The following PDGFRA variants were observed in gnomAD, a reference collection of about 807,000 sequenced individuals.
PDGFRA encodes platelet-derived growth factor receptor alpha.
PDGFRA carries 25 observed loss-of-function variants against 121.5 expected under a neutral mutation model. The observed-to-expected ratio is 0.21, with a 90% CI of 0.15 to 0.29. The LOEUF is 0.29. Ranked by LOEUF, PDGFRA falls within the 10% of genes least tolerant of loss-of-function variation. PDGFRA has a pLI of 1.00. For synonymous variants in PDGFRA, 463 were observed against 494.8 expected (o/e 0.94, Z 0.85); for missense variants, 1,008 against 1,345.1 (o/e 0.75, Z 3.92).
At position 54,278,379 on chromosome 4, in the gene PDGFRA, A is replaced by G; in HGVS notation, c.2020A>G (p.Thr674Ala). The change falls in exon 15 of 23, where the codon ACA becomes GCA. Residue 674 changes from threonine to alanine, a missense_variant. By Grantham distance (58) the Thr-to-Ala change is moderately conservative (BLOSUM62 0). Coordinates refer to ENST00000257290, the MANE Select transcript of PDGFRA (RefSeq NM_006206.6). ...CTKSGPIYII[T>A]EYCFYGDLVN... ...CCCCATAGGCCCCATTTACATCATCACAGAGTATTGCTTCTATGGAGATTT... is the reference window on the plus strand; with the variant it reads ...CCCCATAGGCCCCATTTACATCATCGCAGAGTATTGCTTCTATGGAGATTT... 6.2e-7 allele frequency: 1 copy of G among 1,613,508 alleles called. No homozygotes were observed. The highest frequency in any genetic ancestry group is 8.5e-7 in the Non-Finnish European group (1 of 1,179,706).
intron 10 of PDGFRA, 73 bp from the exon 11 acceptor site, chr4:54,274,458 C>T (rs2110295460): frequency 9.3e-7 from 1 of 1,071,066 alleles, no homozygotes; most frequent in Non-Finnish European, 1.4e-6. Flanking sequence ...TCAGACACAG[C>T]CACACTACCT....
chr4:54,271,850 C>CACTCTCTCTTTTCTTTG (rs1723389647), intron 8 of PDGFRA, among the ~76,000 whole-genome samples: 2 of 142,178 alleles, frequency 1.4e-5, no homozygotes, highest in African/African-American at 5.2e-5. Flanking sequence ...CTCCCTCCCT[C>CACTCTCTCTTTTCTTTG]CCTCCCTTGT....
chr4:54,285,263 C>CA, intron 16 of PDGFRA, 108 bp from the exon 17 acceptor site: 4 of 722,350 alleles, frequency 5.5e-6, no homozygotes, highest in Non-Finnish European at 7.6e-6. Flanking sequence ...AAACATTCTA[C>CA]AAAAAAATTA....
intron 3 of PDGFRA, among the ~76,000 whole-genome samples, chr4:54,262,210 G>A (rs1560467923): frequency 6.6e-6 from 1 of 151,796 alleles, no homozygotes; most frequent in African/African-American, 2.4e-5. Context: ...GATTACAGGC[G>A]TGAGCCACTG....
rs1724089161 is a variant in PDGFRA at position 54,281,750 on chromosome 4, G to A, written c.2323+1268G>A. On this transcript the variant is annotated intron_variant, in intron 16 of 22. Transcript: ENST00000257290. ...GCTGAACATTTTCAAAAAGAATTGA[G>A]AACTTCTGGATTAAATTGCCTTCTT... The A allele has an allele frequency of 1.2e-5, 16 of 1,351,258 alleles. No individual in the cohort carries two copies. In the South Asian group the frequency reaches 2.0e-4, roughly 17 times the overall value. The allele number at this position is 1,351,258 out of a possible 1,614,324, so 83.7% of individuals were successfully genotyped here.
chr4:54,264,846 A>T, intron 4 of PDGFRA, 73 bp from the exon 5 acceptor site: 1 of 1,452,700 alleles, frequency 6.9e-7, no homozygotes, highest in Non-Finnish European at 9.4e-7. Context: ...AAAAAAAAAA[A>T]AAAAACCCAA....
chr4:54,236,662 C>G (rs1357851657), intron 1 of PDGFRA, among the ~76,000 whole-genome samples: 5 of 151,918 alleles, frequency 3.3e-5, no homozygotes, highest in Non-Finnish European at 7.4e-5. Flanking sequence ...AATTAGCTGG[C>G]CATGATGGTG....
chr4:54,286,044 C>A (rs768015743), intron 18 of PDGFRA, 81 bp downstream of exon 18: 1 of 1,419,560 alleles, frequency 7.0e-7, no homozygotes, highest in Non-Finnish European at 9.9e-7. Flanking sequence ...TCTAGAGATT[C>A]GGTGCCTGTT....
chr4:54,275,952 C>G (rs1873777), intron 12 of PDGFRA, among the ~76,000 whole-genome samples: 146,929 of 152,330 alleles, frequency 0.96, 71,065 homozygotes, highest in East Asian at 1. Context: ...CCCTCTTTTT[C>G]CCTGGGAACT....
At chr4:54,237,728 T>A (rs976916203) in intron 1 of PDGFRA, among the ~76,000 whole-genome samples, 3 of 152,202 alleles carry the variant, frequency 2.0e-5, no homozygotes, top group Non-Finnish European at 4.4e-5. Flanking sequence ...TTGTGTGAAT[T>A]GCATTTGGGT....
rs962955623 is a variant in PDGFRA, at chr4:54,274,764, C to G, written c.1654-77C>G. 1.1e-5 allele frequency: 17 copies of G among 1,546,450 alleles called. No homozygotes were observed. In the African/African-American group the frequency reaches 2.2e-4, roughly 20 times the overall value. On this transcript the variant is annotated intron_variant, in intron 11 of 22. Transcript: ENST00000257290. Reference sequence around the variant, plus strand: ...GTTGTTGGACTCTACTGTGTCCAGTCACTGTGCTGCTTCAGTGAAGCTCTG... The same window carrying G: ...GTTGTTGGACTCTACTGTGTCCAGTGACTGTGCTGCTTCAGTGAAGCTCTG...
chr4:54,229,557 G>T, intron 1 of PDGFRA, 142 bp downstream of exon 1: 1 of 381,474 alleles, frequency 2.6e-6, no homozygotes, highest in Middle Eastern at 6.7e-4. Flanking sequence ...TGTCCAGAGA[G>T]TAATTTTTTT....
chr4:54,244,878 C>T (rs971626888), intron 1 of PDGFRA, among the ~76,000 whole-genome samples: 5 of 152,130 alleles, frequency 3.3e-5, no homozygotes, highest in Admixed American at 2.0e-4. Flanking sequence ...CTTAAAGGAG[C>T]AGATGGAGCT....
At chr4:54,282,463 A>G (rs1375148347) in intron 16 of PDGFRA, among the ~76,000 whole-genome samples, 1 of 152,198 alleles carries the variant, frequency 6.6e-6, no homozygotes, top group Non-Finnish European at 1.5e-5. Context: ...ACAAGAAGTC[A>G]CTTACTATTG....
intron 18 of PDGFRA, among the ~76,000 whole-genome samples, chr4:54,287,150 T>C (rs900357484): frequency 6.6e-6 from 1 of 152,236 alleles, no homozygotes; most frequent in African/African-American, 2.4e-5. Context: ...TTACACCTTT[T>C]GGGTGAAAAT....
chr4:54,278,068 A>G, intron 14 of PDGFRA, 62 bp downstream of exon 14: 1 of 1,012,400 alleles, frequency 9.9e-7, no homozygotes, highest in Non-Finnish European at 1.6e-6. Flanking sequence ...AAAACTGTTC[A>G]ATCAGGCTTA....
At chr4:54,267,835 A>C (rs1015792236) in intron 7 of PDGFRA, 94 bp downstream of exon 7, 1 of 962,528 alleles carries the variant, frequency 1.0e-6, no homozygotes, top group South Asian at 1.4e-5. Context: ...ACCCAAAGTC[A>C]GTCTAGAAAA....
chr4:54,262,948 C>T lies in PDGFRA; in HGVS notation c.368-719C>T, dbSNP rs575503134. Among the ~76,000 whole-genome samples, 37 of 152,276 alleles carry T rather than the reference C, an allele frequency of 2.4e-4. 1 individual carries two copies. The highest frequency in any genetic ancestry group is 4.4e-4 in the Non-Finnish European group (30 of 68,024). On this transcript the variant is annotated intron_variant, in intron 3 of 22. Transcript: ENST00000257290. ...GCTGTCTGACTGAGATCTTTTTATT[C>T]GCAATCATGCAGACGTAGGGGCCCT...
In PDGFRA at chr4:54,280,408, A is replaced by G. The variant is rs2110324355; in HGVS notation, c.2249A>G (p.Glu750Gly). Residue 750 changes from glutamate to glycine, a missense_variant, in exon 16 of 23, where the codon GAG becomes GGG. Transcript: ENST00000257290. Reference sequence around the variant, plus strand: ...TATGTCCCCATGCTAGAAAGGAAAGAGGTTTCTAAATATTCCGACATCCAG... The same window carrying G: ...TATGTCCCCATGCTAGAAAGGAAAGGGGTTTCTAAATATTCCGACATCCAG... ...TQYVPMLERK[E>G]VSKYSDIQRS... 1 of 1,613,108 alleles carries G rather than the reference A, an allele frequency of 6.2e-7. No homozygotes were observed. Among genetic ancestry groups the G allele is most frequent in the Non-Finnish European group, 8.5e-7 (1 of 1,179,050 alleles).
Sources: gnomAD v4.1 joint callset for allele counts (sites outside exome capture counted in the v4.1 genomes callset) on GRCh38, gnomAD v4.1.1 for gene constraint, MANE v1.5 for transcripts, NCBI Gene and HGNC (gene_info 2026-07-23, HGNC 2026-07-21) for gene names.